The following SLC8A1 variants were observed in gnomAD, a reference collection of about 807,000 sequenced individuals.
SLC8A1 encodes sodium/calcium exchanger 1.
SLC8A1 carries 18 observed loss-of-function variants against 68.3 expected under a neutral mutation model. That is an observed-to-expected ratio of 0.26 (90% CI 0.18 to 0.39). The LOEUF is 0.39. Among genes scored for constraint, SLC8A1 ranks in the 10% least tolerant of loss-of-function variants. The probability of loss-of-function intolerance (pLI) is 1.00; values close to 1 mark genes in which losing one functional copy is unlikely to be tolerated. For missense variants in SLC8A1, 985 were observed against 1,156.7 expected (o/e 0.85, Z 2.15); for synonymous variants, 475 against 415.5 (o/e 1.14, Z -1.74).
intron 2 of SLC8A1, among the ~76,000 whole-genome samples, chr2:40,347,422 G>A (rs1669704847): frequency 6.6e-6 from 1 of 152,238 alleles, no homozygotes; most frequent in Non-Finnish European, 1.5e-5. Flanking sequence ...AGTCAGCAGA[G>A]AAAGAAGAGA....
chr2:40,485,366 A>C (rs1576649986), intron 1 of SLC8A1, among the ~76,000 whole-genome samples: 1 of 152,306 alleles, frequency 6.6e-6, no homozygotes, highest in African/African-American at 2.4e-5. Context: ...TAGGTAAAAG[A>C]ATAGTGGGCA....
chr2:40,420,493 T>A (rs1365589046), intron 2 of SLC8A1, among the ~76,000 whole-genome samples: 1 of 152,070 alleles, frequency 6.6e-6, no homozygotes, highest in Middle Eastern at 3.2e-3. Context: ...AATAAAGAAG[T>A]TTCTTTTTAA....
intron 1 of SLC8A1, among the ~76,000 whole-genome samples, chr2:40,451,228 T>C (rs1702420416): frequency 6.6e-6 from 1 of 152,008 alleles, no homozygotes; most frequent in South Asian, 2.1e-4. Flanking sequence ...CCTTCCAATC[T>C]CTTGGGGAAA....
intron 2 of SLC8A1, among the ~76,000 whole-genome samples, chr2:40,257,368 G>C (rs1189369564): frequency 7.4e-6 from 1 of 135,824 alleles, no homozygotes; most frequent in Non-Finnish European, 1.7e-5. Context: ...CCGAAGACAT[G>C]ATAATGAAAC....
At chr2:40,334,024 G>A (rs1209313937) in intron 2 of SLC8A1, among the ~76,000 whole-genome samples, 1 of 152,106 alleles carries the variant, frequency 6.6e-6, no homozygotes, top group Non-Finnish European at 1.5e-5. Flanking sequence ...TTCAGCCTGG[G>A]CAACAAGAGA....
intron 2 of SLC8A1, among the ~76,000 whole-genome samples, chr2:40,325,885 T>C (rs1199054077): frequency 6.6e-6 from 1 of 151,862 alleles, no homozygotes; most frequent in Non-Finnish European, 1.5e-5. Flanking sequence ...TTCACTATCC[T>C]TTATAGGTTA....
intron 2 of SLC8A1, among the ~76,000 whole-genome samples, chr2:40,238,346 C>G (rs529660033): frequency 1.3e-5 from 2 of 152,162 alleles, no homozygotes; most frequent in African/African-American, 2.4e-5. Flanking sequence ...GCGCAGTATT[C>G]GGGTGGGAGT....
chr2:40,281,066 A>G (rs1214023990), intron 2 of SLC8A1, among the ~76,000 whole-genome samples: 2 of 152,156 alleles, frequency 1.3e-5, no homozygotes, highest in African/African-American at 4.8e-5. Context: ...TTGCCTGCTT[A>G]GTTTTGATGG....
exon 8 of SLC8A1, chr2:40,100,029 A>C (rs1310161529): frequency 6.6e-6 from 1 of 152,118 alleles, no homozygotes; most frequent in Non-Finnish European, 1.5e-5. Flanking sequence ...GAACCCAGGC[A>C]AGTCCTGTTG....
intron 2 of SLC8A1, among the ~76,000 whole-genome samples, chr2:40,399,879 G>C (rs1467919867): frequency 6.6e-6 from 1 of 152,112 alleles, no homozygotes; most frequent in East Asian, 1.9e-4. Flanking sequence ...AAAACTAAAA[G>C]GCAGAAATGA....
intron 2 of SLC8A1, among the ~76,000 whole-genome samples, chr2:40,307,651 T>G (rs1357262615): frequency 6.6e-6 from 1 of 152,206 alleles, no homozygotes; most frequent in African/African-American, 2.4e-5. Context: ...GTACAGTCTC[T>G]GATGAGACTT....
chr2:40,307,718 C>T (rs1355910829), intron 2 of SLC8A1, among the ~76,000 whole-genome samples: 1 of 152,242 alleles, frequency 6.6e-6, no homozygotes, highest in South Asian at 2.1e-4. Flanking sequence ...CAGTAACACA[C>T]TTTGTTCACA....
intron 2 of SLC8A1, among the ~76,000 whole-genome samples, chr2:40,214,087 T>A (rs1042111979): frequency 3.3e-5 from 5 of 152,180 alleles, no homozygotes; most frequent in African/African-American, 9.7e-5. Flanking sequence ...GGGCTAGGAA[T>A]CTGGCATCTG....
At chr2:40,244,265 G>A (rs1178163312) in intron 2 of SLC8A1, among the ~76,000 whole-genome samples, 1 of 152,148 alleles carries the variant, frequency 6.6e-6, no homozygotes, top group Non-Finnish European at 1.5e-5. Context: ...CAGTGCACAT[G>A]AAGAGACCCA....
At chr2:40,195,772 G>A (rs182936915) in intron 2 of SLC8A1, 6 of 152,144 alleles carry the variant, frequency 3.9e-5, no homozygotes. Context: ...CTGGAGTGAA[G>A]ACGAAGTATC....
intron 2 of SLC8A1, 63 bp downstream of exon 2, chr2:40,428,410 T>A: frequency 7.0e-7 from 1 of 1,426,926 alleles, no homozygotes; most frequent in Non-Finnish European, 9.1e-7. Flanking sequence ...CTCACATTCA[T>A]AAACACACTG....
At position 40,229,842 on chromosome 2, in the gene SLC8A1, A is replaced by G. The variant is rs1574388554; in HGVS notation, c.1809-51987T>C. 1.3e-5 allele frequency among the ~76,000 whole-genome samples: 2 copies of G among 152,338 alleles called. 1 individual carries two copies. The highest frequency in any genetic ancestry group is 1.3e-4 in the Admixed American group (2 of 15,288). Reference sequence around the variant, plus strand: ...TGCACATGTAAAAAAAGTATTAGGCAAAAGTATGCAGGTTAAAGATATGTA... The same window carrying G: ...TGCACATGTAAAAAAAGTATTAGGCGAAAGTATGCAGGTTAAAGATATGTA... On this transcript the variant is annotated intron_variant, in intron 2 of 7. Coordinates refer to ENST00000406785, the Ensembl canonical transcript of SLC8A1.
intron 1 of SLC8A1, among the ~76,000 whole-genome samples, chr2:40,458,310 A>C (rs1703142981): frequency 6.6e-6 from 1 of 152,222 alleles, no homozygotes; most frequent in Admixed American, 6.5e-5. Flanking sequence ...TTCACCTGAC[A>C]TAAGCAGATT....
intron 2 of SLC8A1, among the ~76,000 whole-genome samples, chr2:40,333,674 A>C (rs936544461): frequency 1.3e-5 from 2 of 152,138 alleles, no homozygotes; most frequent in African/African-American, 2.4e-5. Context: ...AACAATTTCA[A>C]TTTTAAGAGT....
Sources: gnomAD v4.1 joint callset for allele counts (sites outside exome capture counted in the v4.1 genomes callset) on GRCh38, gnomAD v4.1.1 for gene constraint, MANE v1.5 for transcripts, NCBI Gene and HGNC (gene_info 2026-07-23, HGNC 2026-07-21) for gene names.